The following VOPP1 variants were observed in gnomAD, a reference collection of about 807,000 sequenced individuals.
The protein encoded by VOPP1 is WW domain binding protein VOPP1.
A neutral mutation model predicts 23.5 loss-of-function variants in VOPP1; 8 were observed. The ratio of observed to expected loss-of-function variants is 0.34; its 90% CI spans 0.20 to 0.61. VOPP1 has a LOEUF of 0.61. VOPP1 is among the 20% of genes least tolerant of loss of function. VOPP1 has a pLI of 0.78. For synonymous variants in VOPP1, 83 were observed against 97.3 expected, an observed-to-expected ratio of 0.85 and a Z score of 0.86; for missense variants, 174 against 238.1, an observed-to-expected ratio of 0.73 and a Z score of 1.77.
chr7:55,457,248 C>T (rs1371674677), intron 4 of VOPP1, among the ~76,000 whole-genome samples: 1 of 152,128 alleles, frequency 6.6e-6, no homozygotes, highest in Non-Finnish European at 1.5e-5. Context: ...ATCCATGTTG[C>T]TGCAAATGAT....
At chr7:55,560,250 T>TAATGCC (rs1233508435) in intron 1 of VOPP1, among the ~76,000 whole-genome samples, 4 of 152,292 alleles carry the variant, frequency 2.6e-5, no homozygotes, top group African/African-American at 9.6e-5. Flanking sequence ...GCAAGCAAAG[T>TAATGCC]AATGCCACCT....
At chr7:55,435,185 C>T (rs1790793973), downstream of VOPP1, among the ~76,000 whole-genome samples, 1 of 152,158 alleles carries the variant, frequency 6.6e-6, no homozygotes, top group African/African-American at 2.4e-5. Context: ...GCATTGAGCC[C>T]ACTACGTTGC....
At chr7:55,516,962 T>A (rs1360044491) in intron 2 of VOPP1, among the ~76,000 whole-genome samples, 1 of 95,774 alleles carries the variant, frequency 1.0e-5, no homozygotes, top group Non-Finnish European at 2.3e-5. Flanking sequence ...TTTTTTTTTT[T>A]TGAGACGGAG....
intron 4 of VOPP1, among the ~76,000 whole-genome samples, chr7:55,489,935 G>A (rs973907465): frequency 6.6e-6 from 1 of 152,090 alleles, no homozygotes; most frequent in African/African-American, 2.4e-5. Context: ...CTTCACTATG[G>A]GTACAACACA....
chr7:55,564,264 T>TCTCTCTCTCTCTCTCTCTCTCTCTCG (rs1369462395), intron 1 of VOPP1, among the ~76,000 whole-genome samples: 3 of 150,930 alleles, frequency 2.0e-5, no homozygotes, highest in Admixed American at 6.6e-5. Context: ...TCTCTCTCTC[T>TCTCTCTCTCTCTCTCTCTCTCTCTCG]CTCGCTCGCT....
At chr7:55,539,376 T>C (rs1327332364) in intron 1 of VOPP1, 1 of 152,128 alleles carries the variant, frequency 6.6e-6, no homozygotes, top group African/African-American at 2.4e-5. Flanking sequence ...TACGTGTATT[T>C]ATTGTATTTA....
chr7:55,468,195 C>T (rs1212793888), downstream of VOPP1, among the ~76,000 whole-genome samples: 6 of 148,944 alleles, frequency 4.0e-5, no homozygotes, highest in Admixed American at 6.7e-5. Flanking sequence ...CCCTTGAACC[C>T]GGGAGGAGGA....
At chr7:55,440,616 C>T (rs1261339752) in intron 4 of VOPP1, among the ~76,000 whole-genome samples, 1 of 152,206 alleles carries the variant, frequency 6.6e-6, no homozygotes, top group Non-Finnish European at 1.5e-5. Flanking sequence ...CTCTGCTTTT[C>T]AGCTTCCCCA....
At chr7:55,476,517 GAGA>G (rs1251737701) in intron 4 of VOPP1, among the ~76,000 whole-genome samples, 6 of 152,168 alleles carry the variant, frequency 3.9e-5, no homozygotes, top group Middle Eastern at 3.2e-3. Flanking sequence ...GAAATGCAGG[GAGA>G]AGGAGAGGCA....
At chr7:55,486,485 C>A (rs901628977) in intron 4 of VOPP1, among the ~76,000 whole-genome samples, 3 of 152,108 alleles carry the variant, frequency 2.0e-5, no homozygotes, top group African/African-American at 7.2e-5. Flanking sequence ...AGAAGTGCCG[C>A]GTAAGAATAA....
chr7:55,436,643 T>C (rs1562875092), intron 4 of VOPP1, among the ~76,000 whole-genome samples: 1 of 140,302 alleles, frequency 7.1e-6, no homozygotes, highest in Non-Finnish European at 1.6e-5. Context: ...TGTGTGTGCG[T>C]GCGTGGGTGT....
chr7:55,543,130 T>G (rs1003254046), intron 1 of VOPP1, among the ~76,000 whole-genome samples: 1 of 152,106 alleles, frequency 6.6e-6, no homozygotes, highest in Non-Finnish European at 1.5e-5. Context: ...TTAGCCAGGA[T>G]GGTCTCGATC....
intron 1 of VOPP1, chr7:55,571,928 T>G: frequency 4.5e-6 from 1 of 221,960 alleles, no homozygotes. Flanking sequence ...CCCGGGTCCA[T>G]CCGATCCTCG....
At chr7:55,454,024 TC>T (rs201928087) in intron 4 of VOPP1, among the ~76,000 whole-genome samples, 2,249 of 152,278 alleles carry the variant, frequency 0.015, 59 homozygotes, top group African/African-American at 0.05. Context: ...CCACATCCAG[TC>T]CTTATTTTTA....
intron 4 of VOPP1, among the ~76,000 whole-genome samples, chr7:55,491,064 T>A (rs1370194710): frequency 1.3e-5 from 2 of 152,184 alleles, no homozygotes; most frequent in African/African-American, 4.8e-5. Context: ...TTTATTGAGG[T>A]CTGACTGACA....
At chr7:55,447,296 T>G (rs1791125365) in intron 4 of VOPP1, among the ~76,000 whole-genome samples, 1 of 152,184 alleles carries the variant, frequency 6.6e-6, no homozygotes, top group Non-Finnish European at 1.5e-5. Context: ...TGATGCTCAG[T>G]GTGGCACAAT....
intron 1 of VOPP1, among the ~76,000 whole-genome samples, chr7:55,559,583 G>C (rs1797916753): frequency 6.6e-6 from 1 of 152,212 alleles, no homozygotes. Context: ...CATTATGAGA[G>C]AAAGCCTTCT....
intron 4 of VOPP1, among the ~76,000 whole-genome samples, chr7:55,464,626 T>C (rs1022610879): frequency 2.6e-5 from 4 of 152,098 alleles, no homozygotes; most frequent in African/African-American, 9.7e-5. Flanking sequence ...ACTGTATGAG[T>C]CAGAGTCCTG....
chr7:55,440,632 G>C (rs2128999017), intron 4 of VOPP1, among the ~76,000 whole-genome samples: 1 of 152,294 alleles, frequency 6.6e-6, no homozygotes. Context: ...CCCCATTTGA[G>C]CGGCTGTCTC....
Sources: allele counts gnomAD v4.1 joint callset (sites outside exome capture counted in the v4.1 genomes callset), GRCh38; gene constraint gnomAD v4.1.1; transcripts MANE v1.5; gene names NCBI Gene and HGNC (gene_info 2026-07-23, HGNC 2026-07-21).